LRRTM4: variants seen among roughly 807,000 people sequenced by gnomAD.
LRRTM4 encodes the protein leucine-rich repeat transmembrane neuronal protein 4.
In LRRTM4, 25 loss-of-function variants were observed where a neutral mutation model predicts 47.6. That is an observed-to-expected ratio of 0.53 (90% CI 0.38 to 0.73). The LOEUF is 0.73. LRRTM4 is among the 30% of genes least tolerant of loss of function. LRRTM4 has a pLI of 0.00. For synonymous variants in LRRTM4, 311 were observed against 269.5 expected, an observed-to-expected ratio of 1.15 and a Z score of -1.51; for missense variants, 638 against 713.4, an observed-to-expected ratio of 0.89 and a Z score of 1.20.
At chr2:76,973,269 G>T (rs182551549) in intron 3 of LRRTM4, among the ~76,000 whole-genome samples, 1 of 151,916 alleles carries the variant, frequency 6.6e-6, no homozygotes, top group Non-Finnish European at 1.5e-5. Flanking sequence ...TCCAGGTCAT[G>T]CTACAGGCAA....
At chr2:76,889,935 C>T (rs573752463) in intron 3 of LRRTM4, among the ~76,000 whole-genome samples, 30 of 151,998 alleles carry the variant, frequency 2.0e-4, no homozygotes, top group African/African-American at 6.7e-4. Flanking sequence ...CACTGTTTAT[C>T]TCAGGACACT....
chr2:77,133,847 C>T (rs182802895), intron 3 of LRRTM4, among the ~76,000 whole-genome samples: 183 of 152,196 alleles, frequency 1.2e-3, no homozygotes, highest in African/African-American at 3.9e-3. Context: ...TGTGACTAAA[C>T]AAAATTTGTG....
intron 3 of LRRTM4, among the ~76,000 whole-genome samples, chr2:76,895,862 A>C (rs1175551502): frequency 2.0e-5 from 3 of 151,976 alleles, no homozygotes; most frequent in African/African-American, 4.8e-5. Context: ...AACTGAATTA[A>C]TCTTCTTCTT....
intron 3 of LRRTM4, among the ~76,000 whole-genome samples, chr2:77,014,078 T>C (rs1162018642): frequency 6.6e-6 from 1 of 152,190 alleles, no homozygotes; most frequent in Non-Finnish European, 1.5e-5. Flanking sequence ...ATGATTAATA[T>C]GATCAAATCT....
intron 3 of LRRTM4, among the ~76,000 whole-genome samples, chr2:76,935,400 A>G (rs1674910880): frequency 6.6e-6 from 1 of 152,112 alleles, no homozygotes; most frequent in Admixed American, 6.5e-5. Context: ...AGTCAATGGT[A>G]GCTTGATGGG....
At position 76,878,208 on chromosome 2, in the gene LRRTM4, TATAAAAC is replaced by T. The variant is rs1672831183; in HGVS notation, c.1552-129299_1552-129293del. ...TTTTGGGCACAGCAAACGGCACTCATATAAAACATGGCAAACTTAATTGATAAATGTT... is the reference window on the plus strand; with the variant it reads ...TTTTGGGCACAGCAAACGGCACTCATATGGCAAACTTAATTGATAAATGTT... On this transcript the variant is annotated intron_variant, in intron 3 of 3. Transcript: ENST00000409884. 2.0e-5 allele frequency among the ~76,000 whole-genome samples: 3 copies of T among 152,168 alleles called. 1 individual carries two copies. In the South Asian group the frequency reaches 6.2e-4, roughly 32 times the overall value.
intron 3 of LRRTM4, among the ~76,000 whole-genome samples, chr2:77,033,618 G>A (rs1678736601): frequency 6.6e-6 from 1 of 151,706 alleles, no homozygotes; most frequent in Non-Finnish European, 1.5e-5. Flanking sequence ...GGGGCTCTTA[G>A]TTTAGATTAT....
chr2:76,813,416 TA>T (rs1670803778), intron 3 of LRRTM4, among the ~76,000 whole-genome samples: 1 of 152,074 alleles, frequency 6.6e-6, no homozygotes, highest in Non-Finnish European at 1.5e-5. Context: ...GTCAGAGAAA[TA>T]TAAAAGCCCA....
intron 3 of LRRTM4, among the ~76,000 whole-genome samples, chr2:77,296,977 C>T (rs531087328): frequency 3.3e-4 from 51 of 152,312 alleles, no homozygotes; most frequent in African/African-American, 1.2e-3. Flanking sequence ...CACAGGGGAG[C>T]AGATTCCCTA....
At chr2:76,816,050 A>G (rs981632043) in intron 3 of LRRTM4, among the ~76,000 whole-genome samples, 4 of 152,136 alleles carry the variant, frequency 2.6e-5, no homozygotes, top group South Asian at 2.1e-4. Context: ...ATCCTCCCAG[A>G]TTAGCAGATA....
intron 3 of LRRTM4, among the ~76,000 whole-genome samples, chr2:76,931,520 A>C (rs999687688): frequency 2.0e-5 from 3 of 151,970 alleles, no homozygotes; most frequent in Admixed American, 2.0e-4. Flanking sequence ...ATGTGCCTGG[A>C]TACACTCTCT....
At chr2:76,773,223 C>T (rs1673791257) in intron 3 of LRRTM4, among the ~76,000 whole-genome samples, 1 of 152,174 alleles carries the variant, frequency 6.6e-6, no homozygotes, top group Admixed American at 6.5e-5. Flanking sequence ...TTTCCATAAG[C>T]CCCAAGTAGC....
At chr2:77,190,214 A>C (rs989641757) in intron 3 of LRRTM4, among the ~76,000 whole-genome samples, 1 of 150,544 alleles carries the variant, frequency 6.6e-6, no homozygotes, top group Non-Finnish European at 1.5e-5. Flanking sequence ...CTATCAATTC[A>C]TTTGTATATT....
At chr2:77,248,766 G>T (rs1675520073) in intron 3 of LRRTM4, among the ~76,000 whole-genome samples, 2 of 151,938 alleles carry the variant, frequency 1.3e-5, no homozygotes, top group African/African-American at 4.8e-5. Context: ...ACTGATCTTT[G>T]ACAAAGGAAC....
At chr2:76,794,735 G>A (rs1291074816) in intron 3 of LRRTM4, among the ~76,000 whole-genome samples, 2 of 147,628 alleles carry the variant, frequency 1.4e-5, no homozygotes, top group African/African-American at 2.7e-5. Context: ...CTTTGCTATG[G>A]TGTACTGTCT....
At chr2:77,522,042 C>CA (rs1679535492) in intron 1 of LRRTM4, 67 bp downstream of exon 1, 1 of 711,290 alleles carries the variant, frequency 1.4e-6, no homozygotes, top group African/African-American at 1.8e-5. Flanking sequence ...AAAAGAGCTA[C>CA]AGCCCATCTC....
chr2:77,480,226 TAAA>T (rs34817448), intron 3 of LRRTM4, among the ~76,000 whole-genome samples: 1 of 146,724 alleles, frequency 6.8e-6, no homozygotes. Context: ...ATTTCTACCT[TAAA>T]AAAAAAAAGA....
At chr2:77,067,009 G>T (rs1001773275) in intron 3 of LRRTM4, among the ~76,000 whole-genome samples, 13 of 152,136 alleles carry the variant, frequency 8.5e-5, no homozygotes, top group Non-Finnish European at 1.5e-5. Context: ...TCATGACAAG[G>T]TATTGGCCAA....
chr2:77,236,484 A>AC (rs1553413704), intron 3 of LRRTM4, among the ~76,000 whole-genome samples: 1 of 147,356 alleles, frequency 6.8e-6, no homozygotes, highest in African/African-American at 2.5e-5. Flanking sequence ...GCCTCACTTC[A>AC]TTTTTTTTTT....
Sources: gnomAD v4.1 joint callset for allele counts (sites outside exome capture counted in the v4.1 genomes callset) on GRCh38, gnomAD v4.1.1 for gene constraint, MANE v1.5 for transcripts, NCBI Gene and HGNC (gene_info 2026-07-23, HGNC 2026-07-21) for gene names.